Variants in PCP4 observed in about 807,000 individuals in gnomAD.
PCP4 encodes Purkinje cell protein 4, also known as calmodulin regulator protein PCP4.
In PCP4, 8 loss-of-function variants were observed where a neutral mutation model predicts 10.0. The observed-to-expected ratio is 0.80, with a 90% CI of 0.47 to 1.45. The LOEUF (loss-of-function observed/expected upper bound fraction) is 1.45. PCP4 is among the 40% of genes most tolerant of loss of function. The pLI is 0.00. For synonymous variants in PCP4, 21 were observed against 23.0 expected, an observed-to-expected ratio of 0.91 and a Z score of 0.24; for missense variants, 54 against 74.4, an observed-to-expected ratio of 0.73 and a Z score of 1.01.
rs76345730 is a variant in PCP4, at chr21:39,908,188, G to T, written c.61+9661G>T. Among the ~76,000 whole-genome samples, 1,327 of 152,220 alleles carry T rather than the reference G, an allele frequency of 8.7e-3. 25 individuals carry two copies. The highest frequency in any genetic ancestry group is 0.031 in the African/African-American group (1,276 of 41,526). ...CTGTGTAGTGTAATTGGCTGGCTTA[G>T]TATTTCTAAAGGAAAGAAAACTGTC... is the stretch of plus-strand genomic sequence containing the variant. On this transcript the variant is annotated intron_variant, in intron 2 of 2. Coordinates refer to ENST00000328619, the MANE Select transcript of PCP4 (RefSeq NM_006198.3).
intron 1 of PCP4, among the ~76,000 whole-genome samples, chr21:39,875,218 T>C (rs2087339072): frequency 6.6e-6 from 1 of 151,854 alleles, no homozygotes; most frequent in Non-Finnish European, 1.5e-5. Flanking sequence ...AAATGACTAA[T>C]TGTATTTAGG....
chr21:39,905,890 T>C (rs1357787832), intron 2 of PCP4, among the ~76,000 whole-genome samples: 1 of 152,016 alleles, frequency 6.6e-6, no homozygotes, highest in African/African-American at 2.4e-5. Context: ...CTACTAAAAA[T>C]ACAAAAAATT....
Position 39,871,239 on chromosome 21 carries a change from A to G in PCP4, c.9+3729A>G, listed in dbSNP as rs1437374322. On this transcript the variant is annotated intron_variant, in intron 1 of 2. Coordinates refer to ENST00000328619, the MANE Select transcript of PCP4 (RefSeq NM_006198.3). The stretch of plus-strand genomic sequence containing the variant: ...TACATACAACAGTGGTTTGGGGCTT[A>G]CATAGTTGACTCTCACGATTGCCCA... 3.9e-5 allele frequency among the ~76,000 whole-genome samples: 6 copies of G among 152,256 alleles called. 1 individual carries two copies. Among genetic ancestry groups the G allele is most frequent in the Admixed American group, 2.6e-4 (4 of 15,284 alleles).
intron 2 of PCP4, among the ~76,000 whole-genome samples, chr21:39,928,341 A>AC (rs1205892968): frequency 6.6e-6 from 1 of 151,460 alleles, no homozygotes; most frequent in African/African-American, 2.4e-5. Flanking sequence ...GTTCCTCACC[A>AC]CCCCCCACTT....
intron 1 of PCP4, among the ~76,000 whole-genome samples, chr21:39,881,680 G>A (rs533840905): frequency 1.3e-5 from 2 of 152,220 alleles, no homozygotes; most frequent in Non-Finnish European, 2.9e-5. Context: ...AGTCCTGTGC[G>A]ATGTCATACA....
At chr21:39,903,889 A>AAC (rs2087494275) in intron 2 of PCP4, among the ~76,000 whole-genome samples, 1 of 143,234 alleles carries the variant, frequency 7.0e-6, no homozygotes, top group Admixed American at 6.9e-5. Context: ...AAAAAAAAAA[A>AAC]AAAAAAAGAC....
At chr21:39,880,166 A>ATATCTATATC (rs1309079597) in intron 1 of PCP4, among the ~76,000 whole-genome samples, 1 of 142,886 alleles carries the variant, frequency 7.0e-6, no homozygotes, top group Admixed American at 6.7e-5. Flanking sequence ...ATCTATATCT[A>ATATCTATATC]TATCTATATC....
intron 1 of PCP4, among the ~76,000 whole-genome samples, chr21:39,879,285 T>C (rs1601171977): frequency 6.6e-6 from 1 of 152,168 alleles, no homozygotes; most frequent in Non-Finnish European, 1.5e-5. Flanking sequence ...CCACCAATCC[T>C]GGCCAAGAAA....
chr21:39,876,233 C>T lies in PCP4; in HGVS notation c.9+8723C>T, dbSNP rs149165138. 1.1e-3 allele frequency among the ~76,000 whole-genome samples: 162 copies of T among 152,202 alleles called. 2 individuals are homozygous for T. Among genetic ancestry groups the T allele is most frequent in the African/African-American group, 3.2e-3 (135 of 41,560 alleles). ...GGGTCCACAGAACTTGTTCATCTTT[C>T]AAAGCCAAGACTCTGCACCCATTCA... On this transcript the variant is annotated intron_variant, in intron 1 of 2. Coordinates refer to ENST00000328619, the MANE Select transcript of PCP4 (RefSeq NM_006198.3).
At chr21:39,924,065 G>A (rs569949111) in intron 2 of PCP4, among the ~76,000 whole-genome samples, 5 of 152,134 alleles carry the variant, frequency 3.3e-5, no homozygotes, top group African/African-American at 1.2e-4. Context: ...ATGGCCATGC[G>A]GGCGGCCATG....
At chr21:39,880,491 G>A (rs73371279) in intron 1 of PCP4, among the ~76,000 whole-genome samples, 5,321 of 152,258 alleles carry the variant, frequency 0.035, 310 homozygotes, top group African/African-American at 0.12. Flanking sequence ...GCGTGTGAGT[G>A]TGTGTGTATA....
chr21:39,902,160 A>G (rs1195466853), intron 2 of PCP4, among the ~76,000 whole-genome samples: 1 of 152,184 alleles, frequency 6.6e-6, no homozygotes, highest in Non-Finnish European at 1.5e-5. Flanking sequence ...TGAAGGAGCA[A>G]GGACCCTTGA....
intron 1 of PCP4, among the ~76,000 whole-genome samples, chr21:39,875,958 G>T (rs2087343698): frequency 6.6e-6 from 1 of 151,946 alleles, no homozygotes; most frequent in African/African-American, 2.4e-5. Context: ...TTGTATTGGT[G>T]CCCATGAAGA....
At chr21:39,884,134 AC>A (rs1392730359) in intron 1 of PCP4, among the ~76,000 whole-genome samples, 1 of 149,800 alleles carries the variant, frequency 6.7e-6, no homozygotes, top group African/African-American at 2.5e-5. Flanking sequence ...GGTAAAATCT[AC>A]CCCTTTTAGT....
chr21:39,889,625 C>T (rs2087419743), intron 1 of PCP4, among the ~76,000 whole-genome samples: 1 of 151,752 alleles, frequency 6.6e-6, no homozygotes, highest in African/African-American at 2.4e-5. Context: ...ACTGTGTTAG[C>T]CAGGATGGTC....
intron 2 of PCP4, among the ~76,000 whole-genome samples, chr21:39,922,930 T>C (rs557155828): frequency 1.3e-5 from 2 of 152,312 alleles, no homozygotes; most frequent in South Asian, 4.2e-4. Context: ...ACCATTTTTT[T>C]GGAGCTATAG....
intron 1 of PCP4, among the ~76,000 whole-genome samples, chr21:39,893,839 TA>T (rs1183821378): frequency 6.6e-6 from 1 of 152,162 alleles, no homozygotes; most frequent in Non-Finnish European, 1.5e-5. Context: ...TCTCTGGAGA[TA>T]AAAATAGGGA....
chr21:39,868,051 A>G (rs1318461186), intron 1 of PCP4, among the ~76,000 whole-genome samples: 3 of 152,202 alleles, frequency 2.0e-5, no homozygotes, highest in African/African-American at 7.2e-5. Context: ...GTGTGTATAG[A>G]TCTGTGGCTC....
chr21:39,899,567 G>T (rs1601180838), intron 2 of PCP4, among the ~76,000 whole-genome samples: 1 of 152,174 alleles, frequency 6.6e-6, no homozygotes, highest in East Asian at 1.9e-4. Flanking sequence ...ATTTAGGGCA[G>T]TCCTATTGGG....
Sources: gnomAD v4.1 joint callset for allele counts (sites outside exome capture counted in the v4.1 genomes callset) on GRCh38, gnomAD v4.1.1 for gene constraint, MANE v1.5 for transcripts, NCBI Gene and HGNC (gene_info 2026-07-23, HGNC 2026-07-21) for gene names.